PIK3C2G: variants seen among roughly 807,000 people sequenced by gnomAD.
PIK3C2G encodes the protein phosphatidylinositol 3-kinase C2 domain-containing subunit gamma.
PIK3C2G carries 168 observed loss-of-function variants against 181.1 expected under a neutral mutation model. That is an observed-to-expected ratio of 0.93 (90% CI 0.82 to 1.05). The LOEUF (loss-of-function observed/expected upper bound fraction) is 1.05. Among genes scored for constraint, PIK3C2G ranks in the 50% least tolerant of loss-of-function variants. PIK3C2G has a pLI of 0.00. For missense variants in PIK3C2G, 1,869 were observed against 1,732.8 expected (o/e 1.08, Z -1.40); for synonymous variants, 573 against 592.2 (o/e 0.97, Z 0.47).
At chr12:18,530,946 G>C (rs553443556) in intron 24 of PIK3C2G, among the ~76,000 whole-genome samples, 1 of 152,150 alleles carries the variant, frequency 6.6e-6, no homozygotes, top group East Asian at 1.9e-4. Flanking sequence ...ATAGCAGTGT[G>C]AGAATGGAAT....
chr12:18,496,023 T>A (rs1467277138), intron 20 of PIK3C2G, 39 bp from the exon 21 acceptor site: 1 of 1,118,458 alleles, frequency 8.9e-7, no homozygotes, highest in Non-Finnish European at 1.3e-6. Flanking sequence ...GGGTCTGATT[T>A]ATTTTGCTCA....
chr12:18,330,138 TG>T (rs1318224308), intron 8 of PIK3C2G, among the ~76,000 whole-genome samples: 1 of 152,158 alleles, frequency 6.6e-6, no homozygotes, highest in African/African-American at 2.4e-5. Flanking sequence ...TTAATTATAA[TG>T]TCTTATTTAT....
chr12:18,709,156 T>A, the PIK3C2G span, among the ~76,000 whole-genome samples: 1 of 152,164 alleles, frequency 6.6e-6, no homozygotes, highest in Non-Finnish European at 1.5e-5. Context: ...TAATATTATA[T>A]GTAAGTTTTT....
At chr12:18,311,108 GA>G (rs1299185681) in intron 5 of PIK3C2G, among the ~76,000 whole-genome samples, 1 of 151,538 alleles carries the variant, frequency 6.6e-6, no homozygotes, top group African/African-American at 2.4e-5. Flanking sequence ...AATGTAATTT[GA>G]AAAAAATCAT....
intron 5 of PIK3C2G, among the ~76,000 whole-genome samples, chr12:18,303,199 T>C (rs1168131701): frequency 6.6e-6 from 1 of 151,132 alleles, no homozygotes; most frequent in African/African-American, 2.4e-5. Context: ...TTTCTTTCTT[T>C]TCCTTTCTTT....
rs1431657568 is a variant in PIK3C2G at position 18,255,527 on chromosome 12, G to A, written c.-79+7445G>A. 9.9e-5 allele frequency among the ~76,000 whole-genome samples: 15 copies of A among 152,226 alleles called. 1 individual carries two copies. The highest frequency in any genetic ancestry group is 2.1e-4 in the South Asian group (1 of 4,820). On this transcript the variant is annotated intron_variant, in intron 1 of 11. Coordinates refer to the PIK3C2G transcript ENST00000535651. ...ATAATACAGCTTTGCCATGTTCAGC[G>A]CAAGGTTTCCTCACTATCTCCCAAC...
the PIK3C2G span, among the ~76,000 whole-genome samples, chr12:18,706,025 G>T: frequency 1.3e-5 from 2 of 151,898 alleles, no homozygotes; most frequent in African/African-American, 4.8e-5. Context: ...TCAGGAGTTC[G>T]AGACCAGGCT....
intron 6 of PIK3C2G, among the ~76,000 whole-genome samples, chr12:18,318,125 T>C (rs1950947992): frequency 6.6e-6 from 1 of 152,342 alleles, no homozygotes; most frequent in East Asian, 1.9e-4. Flanking sequence ...GTCAAAACAG[T>C]ATATACACTG....
chr12:18,601,963 GGGT>G (rs1947742604), intron 30 of PIK3C2G, among the ~76,000 whole-genome samples: 1 of 152,108 alleles, frequency 6.6e-6, no homozygotes, highest in African/African-American at 2.4e-5. Flanking sequence ...CCAGAGGAGG[GGGT>G]AAAACTGCAC....
intron 5 of PIK3C2G, among the ~76,000 whole-genome samples, chr12:18,311,482 A>C (rs1030964873): frequency 2.0e-5 from 3 of 151,550 alleles, no homozygotes; most frequent in Non-Finnish European, 4.4e-5. Context: ...ATATATCTCT[A>C]TCTATATAGA....
At chr12:18,497,786 T>C (rs749723741) in intron 22 of PIK3C2G, 38 bp downstream of exon 22, 1 of 1,489,856 alleles carries the variant, frequency 6.7e-7, no homozygotes, top group South Asian at 1.4e-5. Flanking sequence ...CTCACATTAT[T>C]TATTTCACAC....
At chr12:18,415,771 C>G (rs1945140590) in intron 16 of PIK3C2G, among the ~76,000 whole-genome samples, 1 of 152,144 alleles carries the variant, frequency 6.6e-6, no homozygotes, top group African/African-American at 2.4e-5. Flanking sequence ...GTGAAACAGT[C>G]TTATTGCTGC....
chr12:18,659,214 G>T, the PIK3C2G span, among the ~76,000 whole-genome samples: 4 of 152,048 alleles, frequency 2.6e-5, no homozygotes, highest in African/African-American at 9.7e-5. Flanking sequence ...CCAACTTTAG[G>T]CACTAAATAA....
chr12:18,438,086 C>T (rs1416776570), intron 18 of PIK3C2G, among the ~76,000 whole-genome samples: 2 of 151,890 alleles, frequency 1.3e-5, no homozygotes, highest in African/African-American at 4.8e-5. Context: ...CTACCACAAA[C>T]ACTAGAGTCA....
At chr12:18,561,492 A>C (rs1341875704) in intron 26 of PIK3C2G, among the ~76,000 whole-genome samples, 1 of 152,174 alleles carries the variant, frequency 6.6e-6, no homozygotes, top group Non-Finnish European at 1.5e-5. Context: ...AAATAAAAAA[A>C]GGAAGTAGGG....
chr12:18,362,964 G>A (rs978478796), intron 12 of PIK3C2G, 78 bp downstream of exon 12: 4 of 1,169,756 alleles, frequency 3.4e-6, no homozygotes, highest in Admixed American at 6.4e-5. Context: ...AAAAGCAAGG[G>A]ATGTAATTTA....
chr12:18,501,915 C>T (rs773318739), intron 22 of PIK3C2G, among the ~76,000 whole-genome samples: 2 of 152,152 alleles, frequency 1.3e-5, no homozygotes, highest in African/African-American at 2.4e-5. Flanking sequence ...TTGAAACACT[C>T]AGCAACCATG....
At chr12:18,722,249 C>A in the PIK3C2G span, among the ~76,000 whole-genome samples, 2 of 151,980 alleles carry the variant, frequency 1.3e-5, no homozygotes, top group Admixed American at 6.6e-5. Context: ...ACATAGCACT[C>A]TCTTAAGATA....
At chr12:18,436,045 C>G (rs1346340416) in intron 18 of PIK3C2G, among the ~76,000 whole-genome samples, 1 of 151,676 alleles carries the variant, frequency 6.6e-6, no homozygotes, top group African/African-American at 2.4e-5. Context: ...TAACAAGAAG[C>G]TCTTCAGTAG....
Sources: allele counts gnomAD v4.1 joint callset (sites outside exome capture counted in the v4.1 genomes callset), GRCh38; gene constraint gnomAD v4.1.1; transcripts MANE v1.5; gene names NCBI Gene and HGNC (gene_info 2026-07-23, HGNC 2026-07-21).